Variants in THSD7B observed in about 807,000 individuals in gnomAD.
THSD7B encodes thrombospondin type-1 domain-containing protein 7B.
THSD7B carries 138 observed loss-of-function variants against 213.6 expected under a neutral mutation model. The ratio of observed to expected loss-of-function variants is 0.65; its 90% CI spans 0.56 to 0.74. The LOEUF is 0.74. THSD7B is among the 30% of genes least tolerant of loss of function. The pLI is 0.00. For missense variants in THSD7B, 1,931 were observed against 1,991.5 expected (o/e 0.97, Z 0.58); for synonymous variants, 742 against 687.0 (o/e 1.08, Z -1.25).
intron 4 of THSD7B, among the ~76,000 whole-genome samples, chr2:137,100,682 T>G (rs13387381): frequency 0.02 from 3,050 of 152,072 alleles, 108 homozygotes; most frequent in African/African-American, 0.068. Flanking sequence ...AAATGTGGAG[T>G]AGCTCCAGAA....
intron 12 of THSD7B, among the ~76,000 whole-genome samples, chr2:137,391,451 G>A (rs187470049): frequency 2.0e-4 from 30 of 152,194 alleles, no homozygotes; most frequent in African/African-American, 6.3e-4. Flanking sequence ...CATTTTGGGA[G>A]GCCAAGGCGG....
At chr2:137,326,028 G>T (rs1261152304) in intron 12 of THSD7B, among the ~76,000 whole-genome samples, 1 of 152,148 alleles carries the variant, frequency 6.6e-6, no homozygotes, top group African/African-American at 2.4e-5. Context: ...CATTGACTTG[G>T]ATCGGGTCAC....
At chr2:137,438,235 G>T (rs542345511) in intron 14 of THSD7B, among the ~76,000 whole-genome samples, 1 of 152,070 alleles carries the variant, frequency 6.6e-6, no homozygotes, top group Non-Finnish European at 1.5e-5. Flanking sequence ...GGTTGATTTT[G>T]AACTTAGGTC....
chr2:137,611,348 C>A (rs2595224), intron 17 of THSD7B, among the ~76,000 whole-genome samples: 1 of 151,662 alleles, frequency 6.6e-6, no homozygotes, highest in Non-Finnish European at 1.5e-5. Context: ...TTAATATTGC[C>A]GGCTTTTACC....
chr2:137,179,243 T>G (rs908049958), intron 7 of THSD7B, among the ~76,000 whole-genome samples: 1 of 152,190 alleles, frequency 6.6e-6, no homozygotes, highest in Non-Finnish European at 1.5e-5. Flanking sequence ...TAAGTTTTTC[T>G]ATTCCCTATT....
At chr2:136,828,941 A>C (rs1682703014) in intron 1 of THSD7B, among the ~76,000 whole-genome samples, 1 of 152,192 alleles carries the variant, frequency 6.6e-6, no homozygotes, top group South Asian at 2.1e-4. Context: ...TTTGCACCTG[A>C]CACAGAGCAT....
At chr2:137,385,433 GA>G (rs915072122) in intron 12 of THSD7B, among the ~76,000 whole-genome samples, 23 of 152,198 alleles carry the variant, frequency 1.5e-4, no homozygotes, top group African/African-American at 5.5e-4. Flanking sequence ...CAAGGCAGAT[GA>G]TAGCCTCACC....
At chr2:137,436,383 T>G (rs1282708989) in intron 14 of THSD7B, among the ~76,000 whole-genome samples, 1 of 152,156 alleles carries the variant, frequency 6.6e-6, no homozygotes, top group African/African-American at 2.4e-5. Flanking sequence ...ACAGATAGGT[T>G]AAAGAATTTG....
chr2:137,529,356 GTCA>G (rs1680338796), intron 15 of THSD7B, among the ~76,000 whole-genome samples: 1 of 152,056 alleles, frequency 6.6e-6, no homozygotes, highest in Non-Finnish European at 1.5e-5. Context: ...TTTCAAGGCA[GTCA>G]GGGAACTAGC....
At chr2:137,590,731 G>A (rs1388896972) in intron 17 of THSD7B, among the ~76,000 whole-genome samples, 1 of 145,910 alleles carries the variant, frequency 6.9e-6, no homozygotes, top group Non-Finnish European at 1.5e-5. Flanking sequence ...TTGTAAATTT[G>A]GAATTAGGGC....
chr2:137,222,429 C>T (rs1196789106), intron 7 of THSD7B, among the ~76,000 whole-genome samples: 1 of 152,192 alleles, frequency 6.6e-6, no homozygotes, highest in East Asian at 1.9e-4. Context: ...ACAGAGGTCA[C>T]ATATTCATTT....
At chr2:137,356,947 TACACACAC>T (rs369031158) in intron 12 of THSD7B, among the ~76,000 whole-genome samples, 9 of 113,740 alleles carry the variant, frequency 7.9e-5, no homozygotes, top group Admixed American at 3.0e-4. Context: ...CACACACACA[TACACACAC>T]ACACACACAC....
intron 2 of THSD7B, among the ~76,000 whole-genome samples, chr2:136,902,692 A>G (rs1448431960): frequency 6.6e-6 from 1 of 152,354 alleles, no homozygotes; most frequent in South Asian, 2.1e-4. Context: ...GGTAAAGTCA[A>G]TGATTCAGAA....
At chr2:137,001,210 T>A (rs796555153) in intron 2 of THSD7B, among the ~76,000 whole-genome samples, 39 of 152,264 alleles carry the variant, frequency 2.6e-4, no homozygotes, top group African/African-American at 9.4e-4. Flanking sequence ...TTCCCCAGTG[T>A]GGTGATGACT....
At chr2:136,998,956 A>ACACC (rs1685952118) in intron 2 of THSD7B, among the ~76,000 whole-genome samples, 2 of 127,508 alleles carry the variant, frequency 1.6e-5, no homozygotes, top group South Asian at 4.8e-4. Context: ...ACACACACAC[A>ACACC]CACCCCTGCT....
intron 15 of THSD7B, among the ~76,000 whole-genome samples, chr2:137,553,220 C>T (rs1363750529): frequency 2.0e-5 from 3 of 152,122 alleles, no homozygotes; most frequent in Non-Finnish European, 4.4e-5. Flanking sequence ...AGACATCTAC[C>T]TGGGTCTTGA....
intron 7 of THSD7B, among the ~76,000 whole-genome samples, chr2:137,199,314 T>G (rs1402092385): frequency 6.6e-6 from 1 of 152,106 alleles, no homozygotes; most frequent in Non-Finnish European, 1.5e-5. Flanking sequence ...AGTATAGAAA[T>G]GTATGCCCAC....
chr2:137,196,582 AG>A (rs1680769642), intron 7 of THSD7B, among the ~76,000 whole-genome samples: 1 of 152,096 alleles, frequency 6.6e-6, no homozygotes, highest in African/African-American at 2.4e-5. Context: ...ATAAATTCAG[AG>A]TCAGGAATGA....
In THSD7B at chr2:137,606,782, A is replaced by G. The variant is rs1682187709; in HGVS notation, c.3424-9393A>G. ...ATAAAGAAAGAGAAGTAAGCATTTC[A>G]TGGGAAGGAAAAGAGGAAGGAGGAG... On this transcript the variant is annotated intron_variant, in intron 17 of 27. Coordinates refer to ENST00000409968, the MANE Select transcript of THSD7B (RefSeq NM_001316349.2). 1.3e-5 allele frequency among the ~76,000 whole-genome samples: 2 copies of G among 152,116 alleles called. 1 individual carries two copies. Among genetic ancestry groups the G allele is most frequent in the African/African-American group, 4.8e-5 (2 of 41,434 alleles).
Sources: allele counts gnomAD v4.1 joint callset (sites outside exome capture counted in the v4.1 genomes callset), GRCh38; gene constraint gnomAD v4.1.1; transcripts MANE v1.5; gene names NCBI Gene and HGNC (gene_info 2026-07-23, HGNC 2026-07-21).